Variants in MACROD2 observed in about 807,000 individuals in gnomAD.
MACROD2 encodes ADP-ribose glycohydrolase MACROD2.
Under a neutral mutation model 70.4 loss-of-function variants are expected in MACROD2, and 36 were observed. That is an observed-to-expected ratio of 0.51 (90% CI 0.39 to 0.68). The LOEUF is 0.68. Among genes scored for constraint, MACROD2 ranks in the 30% least tolerant of loss-of-function variants. The pLI, the probability that MACROD2 is intolerant of heterozygous loss-of-function variation, is 0.00. For missense variants in MACROD2, 496 were observed against 538.4 expected (o/e 0.92, Z 0.78); for synonymous variants, 172 against 178.8 (o/e 0.96, Z 0.30).
At chr20:15,859,684 C>T (rs1254235228) in intron 8 of MACROD2, among the ~76,000 whole-genome samples, 1 of 151,864 alleles carries the variant, frequency 6.6e-6, no homozygotes, top group Non-Finnish European at 1.5e-5. Context: ...CGTGTTATGC[C>T]TAAGGGTAAG....
At chr20:14,593,855 T>C (rs1568688573) in intron 4 of MACROD2, among the ~76,000 whole-genome samples, 1 of 152,194 alleles carries the variant, frequency 6.6e-6, no homozygotes. Flanking sequence ...TTTACTTAAC[T>C]AGACATTAAG....
intron 5 of MACROD2, among the ~76,000 whole-genome samples, chr20:14,726,167 T>C (rs1044534459): frequency 1.2e-4 from 18 of 152,228 alleles, no homozygotes; most frequent in African/African-American, 3.9e-4. Flanking sequence ...ATTCTCCTTA[T>C]ATTCTTGTTT....
chr20:15,874,643 A>G (rs553281790), intron 9 of MACROD2, among the ~76,000 whole-genome samples: 1 of 152,112 alleles, frequency 6.6e-6, no homozygotes, highest in Admixed American at 6.6e-5. Flanking sequence ...TGTGGTTTCA[A>G]TTTGCATTTC....
intron 5 of MACROD2, among the ~76,000 whole-genome samples, chr20:14,802,030 A>T (rs1412090580): frequency 6.6e-6 from 1 of 152,076 alleles, no homozygotes; most frequent in Non-Finnish European, 1.5e-5. Context: ...ACATAGCAGA[A>T]TTTAATTATA....
intron 5 of MACROD2, among the ~76,000 whole-genome samples, chr20:14,764,631 A>T (rs2072061643): frequency 6.6e-6 from 1 of 152,092 alleles, no homozygotes; most frequent in Non-Finnish European, 1.5e-5. Flanking sequence ...TCTTAGTGAC[A>T]AGAAGTTGTT....
At position 14,295,566 on chromosome 20, in the gene MACROD2, G is replaced by A. The variant is rs183825012; in HGVS notation, c.272-197913G>A. On this transcript the variant is annotated intron_variant, in intron 3 of 17. Transcript: ENST00000684519. ...GAATATCATTAGGAGGGGACTGTGTGGGGGGGCTGGGGGGAGTGGTAATAC... is the reference window on the plus strand; with the variant it reads ...GAATATCATTAGGAGGGGACTGTGTAGGGGGGCTGGGGGGAGTGGTAATAC... Among the ~76,000 whole-genome samples the A allele has an allele frequency of 8.6e-5, 13 of 150,290 alleles. 1 individual carries two copies. Among genetic ancestry groups the A allele is most frequent in the African/African-American group, 2.7e-4 (11 of 41,026 alleles).
intron 2 of MACROD2, chr20:14,053,327 AG>A (rs1431586208): frequency 6.6e-6 from 1 of 152,158 alleles, no homozygotes; most frequent in Non-Finnish European, 1.5e-5. Context: ...AAAACTGAAA[AG>A]GGAGTAAATT....
At chr20:14,846,810 T>TC (rs1804111461) in intron 5 of MACROD2, among the ~76,000 whole-genome samples, 1 of 150,932 alleles carries the variant, frequency 6.6e-6, no homozygotes, top group South Asian at 2.1e-4. Context: ...AGCCACCGCA[T>TC]CCGGCCTTAA....
chr20:15,425,546 T>C (rs1355009569), intron 6 of MACROD2, among the ~76,000 whole-genome samples: 1 of 152,220 alleles, frequency 6.6e-6, no homozygotes, highest in Non-Finnish European at 1.5e-5. Context: ...GAAATCTAAC[T>C]AAAACTGACT....
At chr20:15,136,881 A>G (rs943823443) in intron 5 of MACROD2, among the ~76,000 whole-genome samples, 6 of 146,586 alleles carry the variant, frequency 4.1e-5, no homozygotes, top group Admixed American at 2.1e-4. Context: ...AAACAACCCC[A>G]TCAAAAAGTG....
intron 5 of MACROD2, among the ~76,000 whole-genome samples, chr20:15,159,894 G>A (rs1450989851): frequency 3.9e-5 from 6 of 152,028 alleles, no homozygotes; most frequent in Non-Finnish European, 1.5e-5. Context: ...GGATCTTGGG[G>A]CGTTTGAGTT....
rs2074337595 is a variant in MACROD2, at chr20:14,936,014, A to G, written c.418+251055A>G. On this transcript the variant is annotated intron_variant, in intron 5 of 17. Transcript: ENST00000684519. ...AGCCAAGCACATTCCAGGCCTTAGG[A>G]ATACCATAAGGTACAAGACAGCTGA... Among the ~76,000 whole-genome samples the G allele has an allele frequency of 5.3e-5, 8 of 152,298 alleles. No homozygotes were observed. In the South Asian group the frequency reaches 1.7e-3, roughly 32 times the overall value.
chr20:15,346,777 G>T (rs76283017), intron 6 of MACROD2, among the ~76,000 whole-genome samples: 1 of 152,116 alleles, frequency 6.6e-6, no homozygotes, highest in Non-Finnish European at 1.5e-5. Context: ...AATTCTCTCC[G>T]TTTACGATGA....
chr20:15,852,706 C>T (rs2064313466), intron 8 of MACROD2, among the ~76,000 whole-genome samples: 2 of 152,140 alleles, frequency 1.3e-5, no homozygotes, highest in Non-Finnish European at 2.9e-5. Flanking sequence ...ACCTGTTTCC[C>T]GTTTATCTCA....
chr20:14,903,344 G>T (rs1221532090), intron 5 of MACROD2, among the ~76,000 whole-genome samples: 1 of 151,850 alleles, frequency 6.6e-6, no homozygotes, highest in Non-Finnish European at 1.5e-5. Flanking sequence ...CCCGGCCCAG[G>T]TTTCTTACAT....
intron 5 of MACROD2, among the ~76,000 whole-genome samples, chr20:14,966,355 C>T (rs191378699): frequency 1.3e-5 from 2 of 152,036 alleles, no homozygotes; most frequent in African/African-American, 2.4e-5. Context: ...GCAGGGGGAG[C>T]GTTTGAGCCC....
At chr20:14,829,476 C>G (rs1183660820) in intron 5 of MACROD2, among the ~76,000 whole-genome samples, 1 of 151,912 alleles carries the variant, frequency 6.6e-6, no homozygotes, top group Non-Finnish European at 1.5e-5. Context: ...TTTCATCTTC[C>G]AGGCAGTGTA....
At chr20:14,656,808 A>G (rs1985999500) in intron 4 of MACROD2, among the ~76,000 whole-genome samples, 1 of 152,062 alleles carries the variant, frequency 6.6e-6, no homozygotes, top group Non-Finnish European at 1.5e-5. Flanking sequence ...AGAATTTTGG[A>G]GTATTCATCT....
intron 4 of MACROD2, among the ~76,000 whole-genome samples, chr20:14,664,976 G>A (rs1308875264): frequency 6.6e-6 from 1 of 152,148 alleles, no homozygotes; most frequent in East Asian, 1.9e-4. Flanking sequence ...ATGGCTAAGA[G>A]AAGTTACATG....
Sources: gnomAD v4.1 joint callset for allele counts (sites outside exome capture counted in the v4.1 genomes callset) on GRCh38, gnomAD v4.1.1 for gene constraint, MANE v1.5 for transcripts, NCBI Gene and HGNC (gene_info 2026-07-23, HGNC 2026-07-21) for gene names.